The following FBXO39 variants were observed in gnomAD, a reference collection of about 807,000 sequenced individuals.
FBXO39 encodes the protein F-box only protein 39.
FBXO39 carries 22 observed loss-of-function variants against 36.6 expected under a neutral mutation model. The ratio of observed to expected loss-of-function variants is 0.60; its 90% CI spans 0.43 to 0.86. FBXO39 has a LOEUF of 0.86. Ranked by LOEUF, FBXO39 falls within the 40% of genes least tolerant of loss-of-function variation. The probability of loss-of-function intolerance (pLI) is 0.00; values close to 1 mark genes in which losing one functional copy is unlikely to be tolerated. For synonymous variants in FBXO39, 206 were observed against 205.8 expected, an observed-to-expected ratio of 1.00 and a Z score of -0.01; for missense variants, 536 against 543.9, an observed-to-expected ratio of 0.99 and a Z score of 0.14.
intron 1 of FBXO39, among the ~76,000 whole-genome samples, chr17:6,779,510 A>G (rs1337082435): frequency 6.6e-6 from 1 of 152,138 alleles, no homozygotes; most frequent in Non-Finnish European, 1.5e-5. Flanking sequence ...CAAACACTAT[A>G]TTTAGTCAAA....
Position 6,780,358 on chromosome 17 carries a change from C to A in FBXO39, c.490C>A (p.Leu164Met). 1 of 1,614,090 alleles carries A rather than the reference C, an allele frequency of 6.2e-7. No homozygotes were observed. Among genetic ancestry groups the A allele is most frequent in the Non-Finnish European group, 8.5e-7 (1 of 1,180,024 alleles). The change falls in exon 2 of 4, where the codon CTG becomes ATG. Residue 164 changes from leucine to methionine, a missense_variant. Physicochemically the swap from Leu to Met is conservative, Grantham distance 15 (BLOSUM62 2). Transcript: ENST00000321535. ...CTTCTTAAAGAAGATGGGCAAACGC[C>A]TGGATTATCTCAACCTAAAAGGGGC... ...SFFLKKMGKR[L>M]DYLNLKGARL...
At chr17:6,785,065 A>G (rs1567671951) in intron 2 of FBXO39, among the ~76,000 whole-genome samples, 1 of 149,612 alleles carries the variant, frequency 6.7e-6, no homozygotes, top group African/African-American at 2.6e-5. Flanking sequence ...TTACAGAGCT[A>G]TAGTCACTAA....
At chr17:6,780,991 C>T in intron 2 of FBXO39, 100 bp downstream of exon 2, 1 of 1,277,942 alleles carries the variant, frequency 7.8e-7, no homozygotes. Context: ...CAAATGTTCA[C>T]TCAATCTCAA....
intron 2 of FBXO39, among the ~76,000 whole-genome samples, chr17:6,783,137 C>T (rs181761900): frequency 1.6e-4 from 25 of 152,138 alleles, no homozygotes; most frequent in African/African-American, 5.8e-4. Flanking sequence ...TATATGAAGA[C>T]ATGGAAATTA....
intron 2 of FBXO39, among the ~76,000 whole-genome samples, chr17:6,783,736 G>C (rs1567671657): frequency 6.6e-6 from 1 of 152,084 alleles, no homozygotes; most frequent in Non-Finnish European, 1.5e-5. Context: ...CCATTGACAA[G>C]TAACAAGATA....
At chr17:6,784,836 G>A (rs768480033) in intron 2 of FBXO39, among the ~76,000 whole-genome samples, 3 of 151,634 alleles carry the variant, frequency 2.0e-5, no homozygotes, top group South Asian at 2.1e-4. Flanking sequence ...TTATACTATC[G>A]AAAGCCATCT....
Position 6,786,892 on chromosome 17 carries a change from T to C in FBXO39, c.1136T>C (p.Val379Ala). 6.2e-7 allele frequency: 1 copy of C among 1,614,038 alleles called. No individual in the cohort carries two copies. The highest frequency in any genetic ancestry group is 1.1e-5 in the South Asian group (1 of 91,064). ...TTCAAAATCTGGGCTTTCCTTGATG[T>C]TAGTTTTGTGGAGCGGATCCTGAAG... is the stretch of plus-strand genomic sequence containing the variant. The part of the protein sequence containing the change: ...FYFKIWAFLD[V>A]SFVERILKSQ... The change falls in exon 3 of 4, where the codon GTT becomes GCT. Residue 379 changes from valine (V) to alanine (A), a missense_variant. By Grantham distance (64) the Val-to-Ala change is moderately conservative (BLOSUM62 0). Coordinates refer to ENST00000321535, the MANE Select transcript of FBXO39 (RefSeq NM_153230.3).
chr17:6,786,227 G>A (rs1976568085), intron 2 of FBXO39, among the ~76,000 whole-genome samples: 1 of 152,206 alleles, frequency 6.6e-6, no homozygotes, highest in African/African-American at 2.4e-5. Flanking sequence ...GTTATGTTAA[G>A]TGAAATATGC....
At position 6,780,374 on chromosome 17, in the gene FBXO39, T is replaced by A. The variant is rs1183215986; in HGVS notation, c.506T>A (p.Leu169Gln). The change falls in exon 2 of 4, where the codon CTA becomes CAA. Residue 169 changes from leucine to glutamine, a missense_variant. Coordinates refer to ENST00000321535, the MANE Select transcript of FBXO39 (RefSeq NM_153230.3). ...GGCAAACGCCTGGATTATCTCAACC[T>A]AAAAGGGGCCAGGCTGACCGTGGAG... ...KMGKRLDYLN[L>Q]KGARLTVEQG... is the part of the protein sequence containing the mutation. 1 of 1,613,966 alleles carries A rather than the reference T, an allele frequency of 6.2e-7. No homozygotes were observed. The highest frequency in any genetic ancestry group is 1.3e-5 in the African/African-American group (1 of 74,894).
chr17:6,786,626 A>C (rs1976575101), intron 2 of FBXO39, among the ~76,000 whole-genome samples, 154 bp from the exon 3 acceptor site: 1 of 152,198 alleles, frequency 6.6e-6, no homozygotes, highest in South Asian at 2.1e-4. Context: ...AAATATATGT[A>C]CCTATGTACC....
chr17:6,784,702 G>A (rs558865234), intron 2 of FBXO39, among the ~76,000 whole-genome samples: 30 of 151,834 alleles, frequency 2.0e-4, no homozygotes, highest in African/African-American at 4.3e-4. Context: ...GGAATTAACC[G>A]AAGGAATGAA....
At position 6,780,684 on chromosome 17, in the gene FBXO39, C is replaced by G. The variant is rs17731806; in HGVS notation, c.816C>G (p.Ser272=). 0.051 allele frequency: 81,964 copies of G among 1,614,116 alleles called. 2,397 individuals are homozygous for G. Among genetic ancestry groups the G allele is most frequent in the South Asian group, 0.06 (5,508 of 91,084 alleles). ...DPHGQVIWGM[S]WAKLARQATN... is the part of the protein sequence containing the mutation. The stretch of plus-strand genomic sequence containing the variant: ...ACGGACAGGTCATCTGGGGTATGTC[C>G]TGGGCCAAGCTGGCCAGGCAGGCCA... Residue 272 remains serine, a synonymous_variant, in exon 2 of 4, where the codon TCC becomes TCG. Transcript: ENST00000321535.
intron 1 of FBXO39, among the ~76,000 whole-genome samples, chr17:6,778,693 T>C (rs780144410): frequency 2.6e-5 from 4 of 152,080 alleles, no homozygotes; most frequent in South Asian, 2.1e-4. Flanking sequence ...GCAAACAACA[T>C]GAGGAGAGTT....
intron 2 of FBXO39, among the ~76,000 whole-genome samples, chr17:6,786,107 G>A (rs147653639): frequency 2.0e-5 from 3 of 152,342 alleles, no homozygotes; most frequent in Non-Finnish European, 4.4e-5. Flanking sequence ...CAACCTAAGT[G>A]TCCATCAATG....
intron 1 of FBXO39, among the ~76,000 whole-genome samples, chr17:6,778,614 G>C (rs1229629360): frequency 6.6e-6 from 1 of 152,092 alleles, no homozygotes; most frequent in African/African-American, 2.4e-5. Context: ...GGTTTATCTG[G>C]TAAAGTAGTC....
chr17:6,784,982 G>A (rs984729790), intron 2 of FBXO39, among the ~76,000 whole-genome samples: 11 of 144,760 alleles, frequency 7.6e-5, no homozygotes, highest in African/African-American at 3.1e-4. Flanking sequence ...CACAAAAGAT[G>A]CAGAATAGCT....
chr17:6,784,927 ATATGTGTGTGTGTG>A (rs1976549272), intron 2 of FBXO39, among the ~76,000 whole-genome samples: 4 of 102,896 alleles, frequency 3.9e-5, no homozygotes, highest in African/African-American at 1.9e-4. Context: ...TTATATATAT[ATATGTGTGTGTGTG>A]TGTGTGTGTG....
At chr17:6,784,316 G>A (rs1976541079) in intron 2 of FBXO39, among the ~76,000 whole-genome samples, 1 of 152,026 alleles carries the variant, frequency 6.6e-6, no homozygotes, top group Non-Finnish European at 1.5e-5. Context: ...CATATTGAAT[G>A]GAGAAAAACT....
intron 1 of FBXO39, among the ~76,000 whole-genome samples, 164 bp from the exon 2 acceptor site, chr17:6,779,625 T>C (rs766264702): frequency 6.6e-6 from 1 of 152,256 alleles, no homozygotes; most frequent in Non-Finnish European, 1.5e-5. Flanking sequence ...TATCCCTGGA[T>C]AGACTGTGAA....
Sources: gnomAD v4.1 joint callset for allele counts (sites outside exome capture counted in the v4.1 genomes callset) on GRCh38, gnomAD v4.1.1 for gene constraint, MANE v1.5 for transcripts, NCBI Gene and HGNC (gene_info 2026-07-23, HGNC 2026-07-21) for gene names.